CLSTN2: variants seen among roughly 807,000 people sequenced by gnomAD.
CLSTN2 encodes the protein calsyntenin 2.
In CLSTN2, 48 loss-of-function variants were observed where a neutral mutation model predicts 101.2. That is an observed-to-expected ratio of 0.47 (90% CI 0.38 to 0.60). CLSTN2 has a LOEUF of 0.60. Among genes scored for constraint, CLSTN2 ranks in the 20% least tolerant of loss-of-function variants. The pLI, the probability that CLSTN2 is intolerant of heterozygous loss-of-function variation, is 0.00. For missense variants in CLSTN2, 1,160 were observed against 1,238.2 expected (o/e 0.94, Z 0.95); for synonymous variants, 481 against 463.6 (o/e 1.04, Z -0.48).
chr3:140,120,678 G>A (rs1473488947), intron 1 of CLSTN2, among the ~76,000 whole-genome samples: 5 of 152,190 alleles, frequency 3.3e-5, no homozygotes, highest in Admixed American at 6.5e-5. Flanking sequence ...AGATCTTAGA[G>A]ATGTTAGGAG....
chr3:140,225,719 A>G (rs886209178), intron 2 of CLSTN2, among the ~76,000 whole-genome samples: 20 of 152,002 alleles, frequency 1.3e-4, no homozygotes, highest in African/African-American at 3.1e-4. Context: ...GATGTACTCA[A>G]TCTCCTGACC....
At chr3:140,281,315 G>A (rs1036867827) in intron 2 of CLSTN2, among the ~76,000 whole-genome samples, 9 of 152,170 alleles carry the variant, frequency 5.9e-5, no homozygotes, top group African/African-American at 2.2e-4. Flanking sequence ...AGGAAGGAAT[G>A]TTCCTGCCCT....
intron 1 of CLSTN2, among the ~76,000 whole-genome samples, chr3:140,172,016 T>C (rs2010245252): frequency 1.3e-5 from 2 of 148,960 alleles, no homozygotes; most frequent in Admixed American, 1.4e-4. Flanking sequence ...AGTTACGCTT[T>C]GTGGAGGTAG....
intron 2 of CLSTN2, among the ~76,000 whole-genome samples, chr3:140,207,728 G>A (rs1020038632): frequency 2.0e-5 from 3 of 152,012 alleles, no homozygotes; most frequent in Non-Finnish European, 2.9e-5. Context: ...CCTAGGATTC[G>A]AATTGCTGGG....
At chr3:140,294,261 G>C (rs1379935996) in intron 2 of CLSTN2, among the ~76,000 whole-genome samples, 1 of 152,192 alleles carries the variant, frequency 6.6e-6, no homozygotes, top group Non-Finnish European at 1.5e-5. Flanking sequence ...TAATTACAAA[G>C]TTTAGAAATT....
In CLSTN2 at chr3:140,525,421, T is replaced by C. The variant is rs1935116552; in HGVS notation, c.1345-6903T>C. On this transcript the variant is annotated intron_variant, in intron 8 of 16. Coordinates refer to ENST00000458420, the MANE Select transcript of CLSTN2 (RefSeq NM_022131.3). ...GCACGTGAAAACCTGAACAGACAAA[T>C]AATGAATTCTGAGATTTTAAAAACC... Among the ~76,000 whole-genome samples, 5 of 152,108 alleles carry C rather than the reference T, an allele frequency of 3.3e-5. 1 individual carries two copies. In the South Asian group the frequency reaches 1.0e-3, roughly 32 times the overall value.
chr3:140,310,447 ACCACCC>A (rs1448757430), intron 2 of CLSTN2, among the ~76,000 whole-genome samples: 2 of 151,940 alleles, frequency 1.3e-5, no homozygotes, highest in African/African-American at 4.8e-5. Flanking sequence ...CTGGAAAGGC[ACCACCC>A]GCTTCTCACA....
intron 2 of CLSTN2, among the ~76,000 whole-genome samples, chr3:140,212,192 T>C (rs6808021): frequency 0.63 from 95,539 of 152,022 alleles, 30,586 homozygotes; most frequent in East Asian, 0.92. Context: ...TGAGCAGTCA[T>C]TTACACTCGA....
At chr3:140,153,044 T>C (rs1283013584) in intron 1 of CLSTN2, among the ~76,000 whole-genome samples, 1 of 152,192 alleles carries the variant, frequency 6.6e-6, no homozygotes, top group East Asian at 1.9e-4. Context: ...CACAGGTTGG[T>C]GTGCGAACAT....
chr3:139,964,211 C>T (rs1309261653), intron 1 of CLSTN2, among the ~76,000 whole-genome samples: 2 of 152,228 alleles, frequency 1.3e-5, no homozygotes, highest in Admixed American at 6.5e-5. Flanking sequence ...CAGCCGTACT[C>T]TCCTCCCTCA....
At position 140,419,482 on chromosome 3, in the gene CLSTN2, C is replaced by CAAAAAAA. The variant is rs1169762724; in HGVS notation, c.638-1636_638-1630dup. ...TGGGTGACAGAGCCAGACTCTGTCT[C>CAAAAAAA]AAAAAAAAAAAAATATATATATATA... On this transcript the variant is annotated intron_variant, in intron 4 of 16. Coordinates refer to ENST00000458420, the MANE Select transcript of CLSTN2 (RefSeq NM_022131.3). Among the ~76,000 whole-genome samples, 16 of 19,942 alleles carry CAAAAAAA rather than the reference C, an allele frequency of 8.0e-4. 2 individuals are homozygous for CAAAAAAA. Among genetic ancestry groups the CAAAAAAA allele is most frequent in the African/African-American group, 6.0e-3 (8 of 1,332 alleles). 13.1% of individuals were successfully genotyped at this position (19,942 alleles called of 152,430 possible). A position where few individuals can be genotyped will look rare whatever the true frequency, so the allele number is the denominator to read the frequency against.
intron 2 of CLSTN2, among the ~76,000 whole-genome samples, chr3:140,265,711 G>A (rs1480902883): frequency 6.6e-6 from 1 of 152,156 alleles, no homozygotes; most frequent in Non-Finnish European, 1.5e-5. Flanking sequence ...TCTTAGGTAA[G>A]GGCCAGATTT....
At position 140,369,233 on chromosome 3, in the gene CLSTN2, A is replaced by G. The variant is rs113555613; in HGVS notation, c.233-34396A>G. Among the ~76,000 whole-genome samples, 278 of 152,360 alleles carry G rather than the reference A, an allele frequency of 1.8e-3. 2 individuals are homozygous for G. The highest frequency in any genetic ancestry group is 6.3e-3 in the African/African-American group (261 of 41,588). ...GGAAGAATAATTAGTAAATTCATCA[A>G]TTGGATTCTAGACACTTCAATTGTT... On this transcript the variant is annotated intron_variant, in intron 2 of 16. Transcript: ENST00000458420.
chr3:140,192,145 T>C (rs2010575084), intron 2 of CLSTN2, among the ~76,000 whole-genome samples: 1 of 151,974 alleles, frequency 6.6e-6, no homozygotes, highest in Non-Finnish European at 1.5e-5. Context: ...GTTATCTCTC[T>C]ATTATTGATT....
intron 1 of CLSTN2, among the ~76,000 whole-genome samples, chr3:140,172,779 G>A (rs940034466): frequency 4.6e-5 from 7 of 152,144 alleles, no homozygotes; most frequent in African/African-American, 1.7e-4. Context: ...AGATGCAAAA[G>A]CAAAAACCCC....
chr3:140,012,177 G>A (rs934868579), intron 1 of CLSTN2, among the ~76,000 whole-genome samples: 2 of 152,022 alleles, frequency 1.3e-5, no homozygotes, highest in African/African-American at 4.8e-5. Flanking sequence ...GGTCCAGAGT[G>A]AGTGCTCAAA....
intron 1 of CLSTN2, among the ~76,000 whole-genome samples, chr3:140,012,922 A>G (rs2007117597): frequency 1.0e-5 from 1 of 99,918 alleles, no homozygotes; most frequent in African/African-American, 3.3e-5. Context: ...GCTTGGAGGT[A>G]TGGCTGGACA....
chr3:140,441,570 T>C (rs2108004373), intron 5 of CLSTN2, among the ~76,000 whole-genome samples: 1 of 152,336 alleles, frequency 6.6e-6, no homozygotes, highest in African/African-American at 2.4e-5. Context: ...GTGCAGCAGC[T>C]GGTAAGCAGA....
chr3:140,216,063 G>C (rs573706418), intron 2 of CLSTN2, among the ~76,000 whole-genome samples: 1 of 152,136 alleles, frequency 6.6e-6, no homozygotes, highest in Non-Finnish European at 1.5e-5. Context: ...TCGCCTGAGC[G>C]CCACTTCCTG....
Sources: allele counts gnomAD v4.1 joint callset (sites outside exome capture counted in the v4.1 genomes callset), GRCh38; gene constraint gnomAD v4.1.1; transcripts MANE v1.5; gene names NCBI Gene and HGNC (gene_info 2026-07-23, HGNC 2026-07-21).